The following NID1 variants were observed in gnomAD, a reference collection of about 807,000 sequenced individuals.
NID1 encodes nidogen 1, also known as nidogen-1.
In NID1, 76 loss-of-function variants were observed where a neutral mutation model predicts 130.6. The observed-to-expected ratio is 0.58, with a 90% CI of 0.48 to 0.70. NID1 has a LOEUF of 0.70. NID1 is among the 30% of genes least tolerant of loss of function. The pLI, the probability that NID1 is intolerant of heterozygous loss-of-function variation, is 0.00. For missense variants in NID1, 1,517 were observed against 1,664.8 expected, an observed-to-expected ratio of 0.91 and a Z score of 1.54; for synonymous variants, 665 against 675.1, an observed-to-expected ratio of 0.98 and a Z score of 0.23.
intron 12 of NID1, among the ~76,000 whole-genome samples, chr1:236,007,114 C>A (rs1215217045): frequency 2.0e-5 from 3 of 152,172 alleles, no homozygotes; most frequent in Non-Finnish European, 4.4e-5. Flanking sequence ...GCCTTGAACT[C>A]CCAGGCTCAA....
chr1:236,011,310 T>C (rs4993333), intron 12 of NID1, among the ~76,000 whole-genome samples: 9 of 115,778 alleles, frequency 7.8e-5, no homozygotes, highest in Admixed American at 1.6e-4. Context: ...TTTTTTCTTT[T>C]TTTTTTTTTT....
At chr1:236,000,019 G>C (rs1478052101) in intron 12 of NID1, among the ~76,000 whole-genome samples, 1 of 152,064 alleles carries the variant, frequency 6.6e-6, no homozygotes, top group Non-Finnish European at 1.5e-5. Flanking sequence ...TTTGAGACCA[G>C]CCTGGCCAAT....
intron 11 of NID1, among the ~76,000 whole-genome samples, chr1:236,012,437 A>G (rs1431387199): frequency 6.6e-6 from 1 of 152,026 alleles, no homozygotes; most frequent in Non-Finnish European, 1.5e-5. Context: ...ACGTGCCTGT[A>G]ATCCCAGCTA....
chr1:236,032,655 G>A lies in NID1; in HGVS notation c.1286-3C>T. 1.9e-6 allele frequency: 3 copies of A among 1,613,794 alleles called. No homozygotes were observed. Among genetic ancestry groups the A allele is most frequent in the Admixed American group, 1.7e-5 (1 of 59,934 alleles). ...GCCATTGACTCGCTGGGGGGAACCT[G>A]AGCAAGAAAACAAAGAAAGAATATA... On this transcript the variant is annotated splice_region_variant and splice_polypyrimidine_tract_variant and intron_variant, in intron 5 of 19. Transcript: ENST00000264187.
chr1:236,057,034 G>A (rs963966421), intron 1 of NID1, among the ~76,000 whole-genome samples: 1 of 152,190 alleles, frequency 6.6e-6, no homozygotes, highest in African/African-American at 2.4e-5. Context: ...CAAGGCAGGT[G>A]GATCACCTGA....
chr1:236,063,024 C>T (rs1196420438), intron 1 of NID1, among the ~76,000 whole-genome samples: 1 of 151,526 alleles, frequency 6.6e-6, no homozygotes, highest in African/African-American at 2.4e-5. Context: ...CATGGTGGTG[C>T]GTGCCTATAG....
chr1:236,031,836 C>G (rs552067175), intron 6 of NID1, among the ~76,000 whole-genome samples: 1 of 152,208 alleles, frequency 6.6e-6, no homozygotes, highest in Non-Finnish European at 1.5e-5. Context: ...AAAGACTGAA[C>G]CTTCCTCAAT....
At chr1:235,988,761 G>C (rs74600165) in intron 14 of NID1, among the ~76,000 whole-genome samples, 69 of 152,258 alleles carry the variant, frequency 4.5e-4, no homozygotes, top group Non-Finnish European at 7.2e-4. Flanking sequence ...AAATATGCCA[G>C]ACACGAATGA....
At position 236,048,888 on chromosome 1, in the gene NID1, C is replaced by T. The variant is rs750379343; in HGVS notation, c.327G>A (p.Ala109=). The T allele has an allele frequency of 1.4e-5, 22 of 1,613,838 alleles. No homozygotes were observed. The highest frequency in any genetic ancestry group is 4.5e-5 in the East Asian group (2 of 44,900). ...CCAGGCCATCGGTCGTGTCCAAGTCCGCCAGGAAAGGGGCGACTGCACCGA... is the reference window on the plus strand; with the variant it reads ...CCAGGCCATCGGTCGTGTCCAAGTCTGCCAGGAAAGGGGCGACTGCACCGA... ...PTFGAVAPFL[A]DLDTTDGLGK... Residue 109 remains alanine, a synonymous_variant, in exon 2 of 20, where the codon GCG becomes GCA. Coordinates refer to ENST00000264187, the MANE Select transcript of NID1 (RefSeq NM_002508.3).
chr1:235,989,070 T>C (rs1008016625), intron 14 of NID1, among the ~76,000 whole-genome samples: 3 of 98,934 alleles, frequency 3.0e-5, no homozygotes, highest in African/African-American at 1.7e-4. Flanking sequence ...AATTATCTGC[T>C]TTTTTTTTTT....
chr1:236,062,072 A>G (rs1463613843), intron 1 of NID1, among the ~76,000 whole-genome samples: 1 of 152,232 alleles, frequency 6.6e-6, no homozygotes, highest in Admixed American at 6.5e-5. Flanking sequence ...TTCCAGTCCT[A>G]GGTATATACC....
intron 3 of NID1, among the ~76,000 whole-genome samples, chr1:236,043,182 T>C (rs949436151): frequency 6.6e-6 from 1 of 152,134 alleles, no homozygotes; most frequent in Non-Finnish European, 1.5e-5. Context: ...CTGGTAATAG[T>C]GAAGCATTTT....
intron 5 of NID1, among the ~76,000 whole-genome samples, chr1:236,035,249 T>C (rs1441932260): frequency 3.5e-4 from 37 of 104,336 alleles, no homozygotes; most frequent in African/African-American, 1.5e-3. Flanking sequence ...CGGTGTTTGG[T>C]TTTTTGTTCT....
intron 10 of NID1, among the ~76,000 whole-genome samples, chr1:236,015,327 A>C (rs1160635939): frequency 6.6e-6 from 1 of 152,160 alleles, no homozygotes; most frequent in African/African-American, 2.4e-5. Flanking sequence ...CAAAGGAGCC[A>C]ATTAAAAGGG....
chr1:235,983,803 TATG>T (rs1191336755), intron 15 of NID1, among the ~76,000 whole-genome samples: 1 of 152,144 alleles, frequency 6.6e-6, no homozygotes, highest in East Asian at 1.9e-4. Context: ...ACCTCAAAGA[TATG>T]ATACTTTTTA....
At position 236,064,895 on chromosome 1, in the gene NID1, G is replaced by T. The variant is rs1327731526; in HGVS notation, c.185C>A (p.Ala62Glu). The T allele has an allele frequency of 6.2e-7, 1 of 1,612,362 alleles. No individual in the cohort carries two copies. Among genetic ancestry groups the T allele is most frequent in the Non-Finnish European group, 8.5e-7 (1 of 1,179,484 alleles). ...GTCGGATCTGTCGTAGAAGCGGAGC[G>T]CCCCACTCAGCTCCAGGGCAGGAGA... ...FVSPALELSG[A>E]LRFYDRSDID... Residue 62 changes from alanine to glutamate, a missense_variant, in exon 1 of 20, where the codon GCG (alanine) becomes GAG (glutamate). This residue lies in a region of NID1 where 1,329 missense variants were observed against 1,429.2 expected (regional missense o/e 0.93). Transcript: ENST00000264187.
chr1:235,983,986 A>C lies in NID1; in HGVS notation c.3055+1393T>G, dbSNP rs530306789. ...TAACTGGAAGCTTCTTTCTCTCTTA[A>C]AAAAAAAAAAAAGAAAATTATTCCC... On this transcript the variant is annotated intron_variant, in intron 15 of 19. Coordinates refer to ENST00000264187, the MANE Select transcript of NID1 (RefSeq NM_002508.3). Among the ~76,000 whole-genome samples, 601 of 140,646 alleles carry C rather than the reference A, an allele frequency of 4.3e-3. 2 individuals are homozygous for C. The highest frequency in any genetic ancestry group is 7.5e-3 in the Middle Eastern group (2 of 266). The allele number at this position is 140,646 out of a possible 152,430, so 92.3% of individuals were successfully genotyped here.
intron 12 of NID1, among the ~76,000 whole-genome samples, chr1:236,003,078 G>C (rs9726879): frequency 0.022 from 2,540 of 113,172 alleles, 190 homozygotes; most frequent in Non-Finnish European, 0.034. Context: ...TAGTGAACGA[G>C]TGGTAGTTGT....
chr1:235,990,557 A>G (rs1657702770), intron 14 of NID1, among the ~76,000 whole-genome samples: 2 of 152,224 alleles, frequency 1.3e-5, no homozygotes, highest in African/African-American at 4.8e-5. Context: ...TAATGGGAAA[A>G]GAAGTCCCTA....
Sources: allele counts gnomAD v4.1 joint callset (sites outside exome capture counted in the v4.1 genomes callset), GRCh38; gene constraint gnomAD v4.1.1; regional missense constraint gnomAD v4.1.1; transcripts MANE v1.5; gene names NCBI Gene and HGNC (gene_info 2026-07-23, HGNC 2026-07-21).